DKK4: variants seen among roughly 807,000 people sequenced by gnomAD.
DKK4 encodes dickkopf-related protein 4.
In DKK4, 15 loss-of-function variants were observed where a neutral mutation model predicts 14.5. That is an observed-to-expected ratio of 1.03 (90% CI 0.69 to 1.59). The LOEUF (loss-of-function observed/expected upper bound fraction) is 1.59. DKK4 is among the 40% of genes most tolerant of loss of function. The pLI is 0.00. For missense variants in DKK4, 272 were observed against 280.3 expected (o/e 0.97, Z 0.21); for synonymous variants, 89 against 105.2 (o/e 0.85, Z 0.94).
chr8:42,387,085 G>A, the DKK4 span, among the ~76,000 whole-genome samples: 1 of 152,192 alleles, frequency 6.6e-6, no homozygotes, highest in South Asian at 2.1e-4. Context: ...TGGCAGCTCT[G>A]AGCACTGTCA....
At chr8:42,380,549 G>A (rs1824654508), upstream of DKK4, among the ~76,000 whole-genome samples, 1 of 146,584 alleles carries the variant, frequency 6.8e-6, no homozygotes, top group African/African-American at 2.6e-5. Context: ...TGAAAGGAAG[G>A]AAGGAAGAAA....
chr8:42,379,159 GA>G (rs1824617445), upstream of DKK4, among the ~76,000 whole-genome samples: 4 of 149,300 alleles, frequency 2.7e-5, no homozygotes, highest in South Asian at 4.2e-4. Context: ...GCTGAGGCAG[GA>G]GAATTGTTTG....
chr8:42,380,019 T>C (rs893525351), upstream of DKK4, among the ~76,000 whole-genome samples: 9 of 151,934 alleles, frequency 5.9e-5, no homozygotes, highest in Admixed American at 1.3e-4. Flanking sequence ...CTGAACAACA[T>C]AGCAAGACCC....
chr8:42,374,295 A>G lies in DKK4; in HGVS notation c.480T>C (p.His160=). The change falls in exon 4 of 4, where the codon CAT becomes CAC. Residue 160 remains histidine (H), a synonymous_variant. Transcript: ENST00000220812. ...DCGPGLCCAR[H]FWTKICKPVL... is the part of the protein sequence containing the mutation. ...CTGGCTTACAAATTTTCGTCCAAAA[A>G]TGACGAGCACAGCAAAGTCCAGGGC... The G allele has an allele frequency of 6.2e-7, 1 of 1,612,040 alleles. No homozygotes were observed. Among genetic ancestry groups the G allele is most frequent in the South Asian group, 1.1e-5 (1 of 90,828 alleles).
chr8:42,378,790 G>T, upstream of DKK4, among the ~76,000 whole-genome samples: 1 of 151,802 alleles, frequency 6.6e-6, no homozygotes, highest in South Asian at 2.1e-4. Flanking sequence ...CAGAGCCTCG[G>T]ATTACATGTT....
At position 42,374,891 on chromosome 8, in the gene DKK4, A is replaced by G. The variant is rs1337704839; in HGVS notation, c.285T>C (p.Asp95=). 6.2e-7 allele frequency: 1 copy of G among 1,614,190 alleles called. No homozygotes were observed. Residue 95 remains aspartate, a synonymous_variant, in exon 3 of 4, where the codon GAT becomes GAC. Transcript: ENST00000220812. ...CVNDVCTTME[D]ATPILERQLD... ...GCTGCCTTTCTAATATTGGGGTTGC[A>G]TCTTCCATCGTAGTACAAACATCTG...
the DKK4 span, among the ~76,000 whole-genome samples, chr8:42,387,148 TGAGA>T: frequency 6.6e-6 from 1 of 152,200 alleles, no homozygotes; most frequent in East Asian, 1.9e-4. Context: ...AGGAAGGCAT[TGAGA>T]GTCCCTTCCC....
the DKK4 span, among the ~76,000 whole-genome samples, chr8:42,386,002 T>C: frequency 6.6e-6 from 1 of 152,228 alleles, no homozygotes; most frequent in Non-Finnish European, 1.5e-5. Flanking sequence ...AATTAGCCAT[T>C]ACTAATGCCT....
chr8:42,374,698 T>A, intron 3 of DKK4, 63 bp downstream of exon 3: 1 of 1,603,088 alleles, frequency 6.2e-7, no homozygotes, highest in Non-Finnish European at 8.5e-7. Flanking sequence ...CACCCTATCC[T>A]TAAGAGGCTG....
At chr8:42,380,965 AAAAG>A (rs373124808), upstream of DKK4, among the ~76,000 whole-genome samples, 894 of 152,230 alleles carry the variant, frequency 5.9e-3, 5 homozygotes, top group South Asian at 0.022. Flanking sequence ...AAGAGAAAGA[AAAAG>A]AAAGACACTG....
chr8:42,386,913 A>G, the DKK4 span, among the ~76,000 whole-genome samples: 1 of 152,166 alleles, frequency 6.6e-6, no homozygotes, highest in Non-Finnish European at 1.5e-5. Flanking sequence ...TGTTTTTTCA[A>G]TCTCTGAGAG....
chr8:42,374,928 G>A lies in DKK4; in HGVS notation c.263-15C>T, dbSNP rs559073908. On this transcript the variant is annotated splice_polypyrimidine_tract_variant and intron_variant, in intron 2 of 3. Coordinates refer to ENST00000220812, the MANE Select transcript of DKK4 (RefSeq NM_014420.3). ...AGTACAAACATCTGAGGGACAACCA[G>A]GTGTAACTAGAATTATTAACTTCAA... 4.3e-6 allele frequency: 7 copies of A among 1,613,888 alleles called. No individual in the cohort carries two copies. In the African/African-American group the frequency reaches 8.0e-5, roughly 18 times the overall value.
upstream of DKK4, among the ~76,000 whole-genome samples, chr8:42,380,429 GAA>G (rs1280331255): frequency 1.5e-4 from 21 of 140,920 alleles, no homozygotes; most frequent in Non-Finnish European, 3.1e-4. Context: ...AGAAGGGAAA[GAA>G]GAAGAGAGAG....
At chr8:42,382,949 G>A in the DKK4 span, among the ~76,000 whole-genome samples, 2 of 152,148 alleles carry the variant, frequency 1.3e-5, no homozygotes, top group African/African-American at 2.4e-5. Flanking sequence ...AAGGCTGGGT[G>A]TCAGAACCGA....
At chr8:42,384,089 CA>C in the DKK4 span, among the ~76,000 whole-genome samples, 1 of 152,186 alleles carries the variant, frequency 6.6e-6, no homozygotes, top group Non-Finnish European at 1.5e-5. Context: ...TCATGGGACA[CA>C]AAACATGGTG....
chr8:42,379,406 GA>G (rs1279165395), upstream of DKK4, among the ~76,000 whole-genome samples: 13 of 128,952 alleles, frequency 1.0e-4, no homozygotes, highest in African/African-American at 3.4e-4. Context: ...GAGAGAGAGA[GA>G]GAGAGAGAGA....
chr8:42,380,855 G>A (rs1283691983), upstream of DKK4, among the ~76,000 whole-genome samples: 1 of 147,404 alleles, frequency 6.8e-6, no homozygotes, highest in African/African-American at 2.5e-5. Context: ...AATGAAAAAA[G>A]GAAGGAGAGA....
chr8:42,386,562 G>A, the DKK4 span, among the ~76,000 whole-genome samples: 2 of 152,122 alleles, frequency 1.3e-5, no homozygotes, highest in African/African-American at 4.8e-5. Flanking sequence ...CGCCATCTCG[G>A]CTCACTGTAG....
At chr8:42,379,416 GAGAGAGA>G (rs1563415774), upstream of DKK4, among the ~76,000 whole-genome samples, 567 of 128,474 alleles carry the variant, frequency 4.4e-3, 5 homozygotes, top group African/African-American at 0.016. Context: ...GAGAGAGAGA[GAGAGAGA>G]GAGAAAGATT....
Sources: allele counts gnomAD v4.1 joint callset (sites outside exome capture counted in the v4.1 genomes callset), GRCh38; gene constraint gnomAD v4.1.1; transcripts MANE v1.5; gene names NCBI Gene and HGNC (gene_info 2026-07-23, HGNC 2026-07-21).